Variants in CPPED1 observed in about 807,000 individuals in gnomAD.
The protein encoded by CPPED1 is serine/threonine-protein phosphatase CPPED1.
CPPED1 carries 28 observed loss-of-function variants against 28.0 expected under a neutral mutation model. The ratio of observed to expected loss-of-function variants is 1.00; its 90% confidence interval spans 0.74 to 1.37. The LOEUF (loss-of-function observed/expected upper bound fraction) is 1.37. Ranked by LOEUF, CPPED1 falls within the 40% of genes most tolerant of loss-of-function variation. CPPED1 has a pLI of 0.00. For synonymous variants in CPPED1, 198 were observed against 180.2 expected (o/e 1.10, Z -0.79); for missense variants, 504 against 416.5 (o/e 1.21, Z -1.83).
At chr16:12,788,081 A>G (rs547402398) in intron 1 of CPPED1, among the ~76,000 whole-genome samples, 1 of 152,204 alleles carries the variant, frequency 6.6e-6, no homozygotes, top group Admixed American at 6.5e-5. Flanking sequence ...GGCCTCTCCA[A>G]TATGGCAGCT....
intron 2 of CPPED1, among the ~76,000 whole-genome samples, chr16:12,726,722 T>C (rs1011561710): frequency 2.0e-5 from 3 of 152,046 alleles, no homozygotes; most frequent in Admixed American, 2.0e-4. Context: ...GGTGGGAGGA[T>C]GGCTTGAACG....
intron 2 of CPPED1, among the ~76,000 whole-genome samples, chr16:12,776,535 G>T (rs765286570): frequency 6.6e-6 from 1 of 152,128 alleles, no homozygotes; most frequent in Non-Finnish European, 1.5e-5. Context: ...TGCTGTTGTC[G>T]TGACTGTGAA....
At chr16:12,773,507 C>G (rs1234467351) in intron 2 of CPPED1, among the ~76,000 whole-genome samples, 1 of 152,104 alleles carries the variant, frequency 6.6e-6, no homozygotes, top group Non-Finnish European at 1.5e-5. Context: ...CAGATCACTT[C>G]CAGCCAGGAG....
At chr16:12,685,491 T>A (rs2079928070) in intron 3 of CPPED1, among the ~76,000 whole-genome samples, 1 of 152,172 alleles carries the variant, frequency 6.6e-6, no homozygotes, top group South Asian at 2.1e-4. Flanking sequence ...ATAGCAATAA[T>A]AATAGCCTCA....
intron 2 of CPPED1, among the ~76,000 whole-genome samples, chr16:12,736,592 CA>C (rs2141208535): frequency 6.6e-6 from 1 of 152,148 alleles, no homozygotes; most frequent in East Asian, 1.9e-4. Flanking sequence ...TGAAGGGAAT[CA>C]AAGTAAATTC....
At chr16:12,672,485 A>C (rs934817014) in intron 3 of CPPED1, among the ~76,000 whole-genome samples, 3 of 152,258 alleles carry the variant, frequency 2.0e-5, no homozygotes, top group Non-Finnish European at 4.4e-5. Flanking sequence ...GCCAAATACC[A>C]TTAATATGTA....
intron 2 of CPPED1, among the ~76,000 whole-genome samples, chr16:12,730,756 G>A (rs1017370876): frequency 6.6e-6 from 1 of 152,150 alleles, no homozygotes; most frequent in African/African-American, 2.4e-5. Context: ...AACTAGTCCT[G>A]GTGACAGAAC....
At chr16:12,767,563 A>G (rs1400839757) in intron 2 of CPPED1, among the ~76,000 whole-genome samples, 1 of 151,648 alleles carries the variant, frequency 6.6e-6, no homozygotes, top group African/African-American at 2.4e-5. Flanking sequence ...CACGACCTCA[A>G]GCATCTATGC....
chr16:12,662,611 T>C lies in CPPED1; in HGVS notation c.*2275A>G, dbSNP rs1415774107. 6.6e-6 allele frequency: 1 copy of C among 152,224 alleles called. No individual in the cohort carries two copies. The highest frequency in any genetic ancestry group is 1.9e-4 in the East Asian group (1 of 5,202). The allele number at this position is 152,224 out of a possible 1,614,324, so 9.4% of individuals were successfully genotyped here. On this transcript the variant is annotated 3_prime_UTR_variant, in exon 4 of 4. Coordinates refer to ENST00000381774, the MANE Select transcript of CPPED1 (RefSeq NM_018340.3). Reference sequence around the variant, plus strand: ...GGGTACACTTTATGTAGCTCCCATTTATGAGTGAGAACATGAAGTATTCGA... The same window carrying C: ...GGGTACACTTTATGTAGCTCCCATTCATGAGTGAGAACATGAAGTATTCGA...
chr16:12,705,102 A>G, intron 2 of CPPED1, 53 bp from the exon 3 acceptor site: 1 of 1,505,996 alleles, frequency 6.6e-7, no homozygotes, highest in Non-Finnish European at 8.9e-7. Context: ...TTCACTTGAA[A>G]TAACTAACTT....
chr16:12,707,686 C>T (rs1251895340), intron 2 of CPPED1, among the ~76,000 whole-genome samples: 1 of 152,104 alleles, frequency 6.6e-6, no homozygotes, highest in African/African-American at 2.4e-5. Flanking sequence ...GGGAAGGAAA[C>T]CTTGTCTAGG....
At chr16:12,776,242 A>G (rs1222601178) in intron 2 of CPPED1, among the ~76,000 whole-genome samples, 1 of 152,148 alleles carries the variant, frequency 6.6e-6, no homozygotes, top group South Asian at 2.1e-4. Flanking sequence ...CAAGAAACGC[A>G]GTTGGCCTCT....
At chr16:12,739,224 T>C (rs897245217) in intron 2 of CPPED1, among the ~76,000 whole-genome samples, 17 of 152,136 alleles carry the variant, frequency 1.1e-4, no homozygotes, top group African/African-American at 4.1e-4. Context: ...GGACACTAAA[T>C]GAATGGATAA....
At chr16:12,751,056 T>G (rs556135681) in intron 2 of CPPED1, among the ~76,000 whole-genome samples, 23 of 150,536 alleles carry the variant, frequency 1.5e-4, no homozygotes, top group Non-Finnish European at 3.2e-4. Context: ...ACCTTCAATA[T>G]GTAAAAAAAC....
At chr16:12,691,026 G>A (rs1191172322) in intron 3 of CPPED1, among the ~76,000 whole-genome samples, 1 of 152,146 alleles carries the variant, frequency 6.6e-6, no homozygotes, top group African/African-American at 2.4e-5. Flanking sequence ...CCGTGCCCAC[G>A]GTGCATTCTG....
chr16:12,719,208 G>A (rs1188976800), intron 2 of CPPED1, among the ~76,000 whole-genome samples: 8 of 152,134 alleles, frequency 5.3e-5, no homozygotes, highest in Admixed American at 2.6e-4. Context: ...TGGCTAACAC[G>A]GTGAAACCCC....
At chr16:12,758,886 G>A (rs867540207) in intron 2 of CPPED1, among the ~76,000 whole-genome samples, 30 of 152,138 alleles carry the variant, frequency 2.0e-4, no homozygotes, top group South Asian at 2.1e-4. Context: ...ATAGAGGCTG[G>A]GTGTGGTGGC....
intron 1 of CPPED1, among the ~76,000 whole-genome samples, chr16:12,799,961 C>T (rs2080649370): frequency 6.6e-6 from 1 of 152,146 alleles, no homozygotes; most frequent in East Asian, 1.9e-4. Flanking sequence ...ATAGATTTAT[C>T]ATCAAGTCTC....
intron 2 of CPPED1, among the ~76,000 whole-genome samples, chr16:12,744,151 C>A (rs1380333295): frequency 6.6e-6 from 1 of 152,022 alleles, no homozygotes; most frequent in Non-Finnish European, 1.5e-5. Context: ...TGGCAGGTGC[C>A]TGTTGTCCCA....
Sources: gnomAD v4.1 joint callset for allele counts (sites outside exome capture counted in the v4.1 genomes callset) on GRCh38, gnomAD v4.1.1 for gene constraint, MANE v1.5 for transcripts, NCBI Gene and HGNC (gene_info 2026-07-23, HGNC 2026-07-21) for gene names.